RPTOR: variants seen among roughly 807,000 people sequenced by gnomAD.
The protein encoded by RPTOR is regulatory associated protein of MTOR complex 1.
A neutral mutation model predicts 169.9 loss-of-function variants in RPTOR; 21 were observed. The observed-to-expected ratio is 0.12, with a 90% CI of 0.09 to 0.18. The LOEUF (loss-of-function observed/expected upper bound fraction) is 0.18. RPTOR is among the 10% of genes least tolerant of loss of function. The pLI, the probability that RPTOR is intolerant of heterozygous loss-of-function variation, is 1.00. For missense variants in RPTOR, 1,133 were observed against 1,855.9 expected (o/e 0.61, Z 7.16); for synonymous variants, 732 against 753.2 (o/e 0.97, Z 0.46).
In RPTOR at chr17:80,883,470, T is replaced by C; in HGVS notation, c.1636T>C (p.Tyr546His). Residue 546 changes from tyrosine (Y) to histidine (H), a missense_variant, in exon 15 of 34, where the codon TAT becomes CAT. Around this residue, in one of 9 missense-constraint regions of RPTOR, gnomAD observed 289 missense variants for 585.8 expected, o/e 0.49. Transcript: ENST00000306801. ...AFILAVIVNS[Y>H]HTGQEACLQG... ...CATTCTCGCCGTGATCGTCAACAGC[T>C]ATCACACGGGGCAGGTGAGCCCCCC... 1 of 1,614,076 alleles carries C rather than the reference T, an allele frequency of 6.2e-7. No individual in the cohort carries two copies. The highest frequency in any genetic ancestry group is 1.1e-5 in the South Asian group (1 of 91,074).
At position 80,823,010 on chromosome 17, in the gene RPTOR, T is replaced by C; in HGVS notation, c.992-69T>C. ...TAGTAATTTTTGATAGAAGTGAATTTGTGTATTTGGCTTTAAATGCTAGAC... is the reference window on the plus strand; with the variant it reads ...TAGTAATTTTTGATAGAAGTGAATTCGTGTATTTGGCTTTAAATGCTAGAC... On this transcript the variant is annotated intron_variant, in intron 8 of 33. Transcript: ENST00000306801. This position sits in a 1 kb window ranked among gnomAD's most constrained non-coding sequence, Gnocchi z 4.5. 1 of 1,530,950 alleles carries C rather than the reference T, an allele frequency of 6.5e-7. No individual in the cohort carries two copies. Among genetic ancestry groups the C allele is most frequent in the Non-Finnish European group, 8.8e-7 (1 of 1,130,124 alleles). The allele number at this position is 1,530,950 out of a possible 1,614,324, so 94.8% of individuals were successfully genotyped here. A position where few individuals can be genotyped will look rare whatever the true frequency, so the allele number is the denominator to read the frequency against.
chr17:80,850,965 G>A (rs2067787569), intron 11 of RPTOR, among the ~76,000 whole-genome samples: 1 of 152,174 alleles, frequency 6.6e-6, no homozygotes, highest in African/African-American at 2.4e-5. Flanking sequence ...TTTTAATTTG[G>A]TCGCCTCAGC....
chr17:80,955,739 C>A (rs7211288), intron 28 of RPTOR, among the ~76,000 whole-genome samples: 24,651 of 152,088 alleles, frequency 0.16, 5,368 homozygotes, highest in African/African-American at 0.5. Flanking sequence ...TTGTGTGTGT[C>A]CTGCCGAGAG....
chr17:80,877,832 C>CCCGG (rs2143821680), intron 13 of RPTOR, among the ~76,000 whole-genome samples: 1 of 152,348 alleles, frequency 6.6e-6, no homozygotes, highest in South Asian at 2.1e-4. Context: ...GAGGCCGGCG[C>CCCGG]CTGGCTCCCT....
chr17:80,634,745 CATACT>C (rs1567831525), intron 2 of RPTOR, among the ~76,000 whole-genome samples: 23 of 82,636 alleles, frequency 2.8e-4, no homozygotes, highest in African/African-American at 1.1e-3. Context: ...TGTGTGTGTG[CATACT>C]GTGTGTGTGC....
chr17:80,643,946 G>A (rs6565470), intron 3 of RPTOR, 136 bp downstream of exon 3: 97 of 657,954 alleles, frequency 1.5e-4, no homozygotes, highest in African/African-American at 1.4e-3. Context: ...TGCGCACTGC[G>A]TTTCGTGTGC....
intron 9 of RPTOR, among the ~76,000 whole-genome samples, chr17:80,829,640 C>T (rs921000058): frequency 3.5e-4 from 53 of 152,262 alleles, no homozygotes; most frequent in African/African-American, 1.2e-3. Context: ...GGGGGCGGCC[C>T]GTAGACATGG....
intron 2 of RPTOR, among the ~76,000 whole-genome samples, 190 bp from the exon 3 acceptor site, chr17:80,643,538 C>T (rs117473735): frequency 0.011 from 1,633 of 152,266 alleles, 10 homozygotes; most frequent in Non-Finnish European, 0.016. Flanking sequence ...GCCTTCACGG[C>T]GTGTCAGCTT....
At chr17:80,962,228 G>T (rs2069352672) in intron 31 of RPTOR, among the ~76,000 whole-genome samples, 1 of 152,238 alleles carries the variant, frequency 6.6e-6, no homozygotes, top group African/African-American at 2.4e-5. Flanking sequence ...GCCTTTTCTG[G>T]CTCTGAGAGA....
rs145404732 is a variant in RPTOR, at chr17:80,785,158, A to G, written c.831-6292A>G. ...TTCAGTGACACCTTCATCAGTGTAA[A>G]TTCTAGAGACTTCACGTGCCAGCTA... On this transcript the variant is annotated intron_variant, in intron 6 of 33. Coordinates refer to ENST00000306801, the MANE Select transcript of RPTOR (RefSeq NM_020761.3). Among the ~76,000 whole-genome samples, 490 of 152,318 alleles carry G rather than the reference A, an allele frequency of 3.2e-3. 2 individuals carry two copies. Among genetic ancestry groups the G allele is most frequent in the Admixed American group, 5.3e-3 (81 of 15,302 alleles).
chr17:80,825,402 G>GGCCGCGTGGCGAGGTCGGCACAGGGC (rs2067430973), intron 9 of RPTOR, among the ~76,000 whole-genome samples: 4 of 152,254 alleles, frequency 2.6e-5, no homozygotes, highest in African/African-American at 4.8e-5. Context: ...TCTGTCTAGA[G>GGCCGCGTGGCGAGGTCGGCACAGGGC]ACTGCTTTCT....
At chr17:80,615,155 G>A (rs1166651791) in intron 1 of RPTOR, among the ~76,000 whole-genome samples, 1 of 152,178 alleles carries the variant, frequency 6.6e-6, no homozygotes, top group East Asian at 1.9e-4. Context: ...CAGAAGACCC[G>A]AGAGCCGGTC....
chr17:80,884,105 G>A, intron 16 of RPTOR, 133 bp downstream of exon 16: 1 of 854,334 alleles, frequency 1.2e-6, no homozygotes, highest in Non-Finnish European at 1.8e-6. Context: ...AATAAGAGTA[G>A]GACAGTGGGA....
intron 3 of RPTOR, among the ~76,000 whole-genome samples, chr17:80,663,023 AG>A (rs1236013525): frequency 6.6e-6 from 1 of 152,210 alleles, no homozygotes; most frequent in Admixed American, 6.5e-5. Context: ...AATCTTGCCC[AG>A]GTGGCCTCAC....
intron 21 of RPTOR, among the ~76,000 whole-genome samples, chr17:80,912,675 G>A (rs993443508): frequency 2.6e-5 from 4 of 152,186 alleles, no homozygotes; most frequent in African/African-American, 9.7e-5. Flanking sequence ...GATTGTGTGT[G>A]ACATGTAGTG....
In RPTOR at chr17:80,925,404, A is replaced by G. The variant is rs558724262; in HGVS notation, c.2843A>G (p.Lys948Arg). The change falls in exon 24 of 34, where the codon AAA (lysine) becomes AGA (arginine). Residue 948 changes from lysine to arginine, a missense_variant. Around this residue, in one of 9 missense-constraint regions of RPTOR, gnomAD observed 410 missense variants for 623.7 expected, o/e 0.66. Coordinates refer to ENST00000306801, the MANE Select transcript of RPTOR (RefSeq NM_020761.3). ...ADDADDAAGH[K>R]SFISATVQTG... is the part of the protein sequence containing the mutation. ...GACGCGGACGATGCTGCTGGACACA[A>G]AAGTTTCATCTCCGCCACGGTGCAG... 149 of 1,613,756 alleles carry G rather than the reference A, an allele frequency of 9.2e-5. 1 individual carries two copies. In the South Asian group the frequency reaches 1.6e-3, roughly 17 times the overall value.
intron 13 of RPTOR, among the ~76,000 whole-genome samples, chr17:80,866,636 A>T (rs2143785667): frequency 6.6e-6 from 1 of 152,360 alleles, no homozygotes; most frequent in Middle Eastern, 3.4e-3. Flanking sequence ...TATTAAAAGG[A>T]TGATAGGCAA....
rs996309675 is a variant in RPTOR, at chr17:80,844,189, C to T, written c.1213-2284C>T. 6.6e-6 allele frequency among the ~76,000 whole-genome samples: 1 copy of T among 152,226 alleles called. No individual in the cohort carries two copies. The highest frequency in any genetic ancestry group is 1.5e-5 in the Non-Finnish European group (1 of 68,046). On this transcript the variant is annotated intron_variant, in intron 10 of 33. Coordinates refer to ENST00000306801, the MANE Select transcript of RPTOR (RefSeq NM_020761.3). The surrounding 1 kb of genome is among the most constrained non-coding windows in gnomAD (Gnocchi z 4.7). ...AATATCATATAAAGTGTTGGCCACTCTTCCGCAGGCGCTTGCTCTAATTCG... is the reference window on the plus strand; with the variant it reads ...AATATCATATAAAGTGTTGGCCACTTTTCCGCAGGCGCTTGCTCTAATTCG...
intron 9 of RPTOR, among the ~76,000 whole-genome samples, chr17:80,837,164 G>A (rs185623867): frequency 4.6e-5 from 7 of 152,212 alleles, no homozygotes; most frequent in South Asian, 4.2e-4. Flanking sequence ...CAGTGTGGTC[G>A]GTTACTGTGA....
Sources: allele counts gnomAD v4.1 joint callset (sites outside exome capture counted in the v4.1 genomes callset), GRCh38; gene constraint gnomAD v4.1.1; regional missense constraint gnomAD v4.1.1; non-coding constraint Gnocchi (gnomAD v3.1); transcripts MANE v1.5; gene names NCBI Gene and HGNC (gene_info 2026-07-23, HGNC 2026-07-21).